The following FAM117B variants were observed in gnomAD, a reference collection of about 807,000 sequenced individuals.
FAM117B encodes family with sequence similarity 117 member B.
FAM117B carries 22 observed loss-of-function variants against 52.8 expected under a neutral mutation model. The ratio of observed to expected loss-of-function variants is 0.42; its 90% confidence interval spans 0.30 to 0.59. The LOEUF (loss-of-function observed/expected upper bound fraction) is 0.59. FAM117B is among the 20% of genes least tolerant of loss of function. The probability of loss-of-function intolerance (pLI) is 0.22; values close to 1 mark genes in which losing one functional copy is unlikely to be tolerated. For synonymous variants in FAM117B, 309 were observed against 324.1 expected, an observed-to-expected ratio of 0.95 and a Z score of 0.50; for missense variants, 678 against 802.6, an observed-to-expected ratio of 0.84 and a Z score of 1.88.
chr2:202,678,057 A>AT (rs1321605054), intron 1 of FAM117B, among the ~76,000 whole-genome samples: 1 of 152,194 alleles, frequency 6.6e-6, no homozygotes, highest in Non-Finnish European at 1.5e-5. Context: ...AAAGTGTGAT[A>AT]TATTAATATG....
rs569056223 is a variant in FAM117B, at chr2:202,701,796, A to G, written c.753+5764A>G. On this transcript the variant is annotated intron_variant, in intron 2 of 7. Coordinates refer to ENST00000392238, the MANE Select transcript of FAM117B (RefSeq NM_173511.4). ...GTGATTGAATTGCTGCAATCTCATG[A>G]TAAAACTTAAGCATGACAAATTGCT... 3.9e-5 allele frequency among the ~76,000 whole-genome samples: 6 copies of G among 152,362 alleles called. No individual in the cohort carries two copies. In the South Asian group the frequency reaches 1.2e-3, roughly 32 times the overall value.
intron 4 of FAM117B, among the ~76,000 whole-genome samples, chr2:202,753,081 A>G (rs1288606829): frequency 1.3e-5 from 2 of 152,212 alleles, no homozygotes; most frequent in East Asian, 1.9e-4. Flanking sequence ...AGCAAAAAGT[A>G]CAAAGCTGGA....
At chr2:202,729,830 A>G (rs1236730898) in intron 4 of FAM117B, among the ~76,000 whole-genome samples, 1 of 152,218 alleles carries the variant, frequency 6.6e-6, no homozygotes, top group African/African-American at 2.4e-5. Context: ...GAAAGTCTCC[A>G]TGTTCACTTA....
chr2:202,691,830 T>C (rs1222962078), intron 1 of FAM117B, among the ~76,000 whole-genome samples: 1 of 152,208 alleles, frequency 6.6e-6, no homozygotes, highest in Non-Finnish European at 1.5e-5. Flanking sequence ...CAGTTAATAA[T>C]GTGGGTACAT....
At chr2:202,740,159 C>G (rs569849240) in intron 4 of FAM117B, among the ~76,000 whole-genome samples, 1 of 102,676 alleles carries the variant, frequency 9.7e-6, no homozygotes, top group Admixed American at 1.5e-4. Context: ...GAGGACAGAG[C>G]GAGACTTCAT....
chr2:202,723,868 C>T (rs1420375064), intron 2 of FAM117B, among the ~76,000 whole-genome samples: 6 of 152,118 alleles, frequency 3.9e-5, no homozygotes, highest in African/African-American at 1.4e-4. Flanking sequence ...AGGCTGTATG[C>T]TCCCACTAAC....
At chr2:202,678,655 C>G (rs1006501758) in intron 1 of FAM117B, among the ~76,000 whole-genome samples, 1 of 152,194 alleles carries the variant, frequency 6.6e-6, no homozygotes, top group African/African-American at 2.4e-5. Flanking sequence ...TGCCTCTCGG[C>G]TTCAAACAAT....
chr2:202,636,218 A>G (rs1187283493), intron 1 of FAM117B, among the ~76,000 whole-genome samples: 4 of 152,248 alleles, frequency 2.6e-5, no homozygotes, highest in Non-Finnish European at 1.5e-5. Context: ...TGCTGCTGCT[A>G]AGTATTTCTG....
intron 4 of FAM117B, among the ~76,000 whole-genome samples, chr2:202,752,994 C>T (rs930797559): frequency 2.0e-5 from 3 of 152,150 alleles, no homozygotes; most frequent in Non-Finnish European, 4.4e-5. Flanking sequence ...CATTGACATT[C>T]TTTACAGAAT....
At chr2:202,709,856 A>AGG (rs1325504054) in intron 2 of FAM117B, among the ~76,000 whole-genome samples, 2 of 152,126 alleles carry the variant, frequency 1.3e-5, no homozygotes, top group African/African-American at 2.4e-5. Flanking sequence ...CTTTTGCATG[A>AGG]GGATATTCAG....
intron 4 of FAM117B, among the ~76,000 whole-genome samples, chr2:202,746,601 G>T (rs1691637403): frequency 6.6e-6 from 1 of 151,932 alleles, no homozygotes; most frequent in South Asian, 2.1e-4. Context: ...GATTATTAAA[G>T]ATAAGCGTGA....
chr2:202,739,075 G>A (rs1400783074), intron 4 of FAM117B, among the ~76,000 whole-genome samples: 1 of 152,182 alleles, frequency 6.6e-6, no homozygotes, highest in Non-Finnish European at 1.5e-5. Flanking sequence ...TGTAATCCCA[G>A]CTACTCAGGA....
At chr2:202,640,370 C>CCCTT (rs1350732506) in intron 1 of FAM117B, among the ~76,000 whole-genome samples, 1 of 129,818 alleles carries the variant, frequency 7.7e-6, no homozygotes, top group Non-Finnish European at 1.6e-5. Context: ...GCTAGTTTCC[C>CCCTT]CCTTCCTTTG....
intron 2 of FAM117B, among the ~76,000 whole-genome samples, chr2:202,718,382 C>A (rs1691090635): frequency 6.6e-6 from 1 of 152,142 alleles, no homozygotes; most frequent in African/African-American, 2.4e-5. Flanking sequence ...TGTTGAGATA[C>A]TTTCTGTTAT....
At chr2:202,659,099 G>A (rs578006255) in intron 1 of FAM117B, among the ~76,000 whole-genome samples, 248 of 151,616 alleles carry the variant, frequency 1.6e-3, no homozygotes, top group African/African-American at 5.8e-3. Context: ...TCTGCCTCCC[G>A]GGTTCAAGCG....
chr2:202,667,642 C>A (rs1690226047), intron 1 of FAM117B, among the ~76,000 whole-genome samples: 1 of 152,058 alleles, frequency 6.6e-6, no homozygotes, highest in Non-Finnish European at 1.5e-5. Context: ...TTAGACCAAT[C>A]TCAAGATAAA....
chr2:202,746,321 CTG>C (rs1691631833), intron 4 of FAM117B, among the ~76,000 whole-genome samples: 1 of 151,980 alleles, frequency 6.6e-6, no homozygotes. Context: ...AATTTGGAAA[CTG>C]TGCAGATACA....
At chr2:202,661,388 A>G (rs1006810926) in intron 1 of FAM117B, among the ~76,000 whole-genome samples, 2 of 152,240 alleles carry the variant, frequency 1.3e-5, no homozygotes, top group African/African-American at 2.4e-5. Flanking sequence ...CAATTATAGT[A>G]AAACTGTTAA....
chr2:202,732,181 G>C (rs562685286), intron 4 of FAM117B, among the ~76,000 whole-genome samples: 1 of 151,796 alleles, frequency 6.6e-6, no homozygotes, highest in South Asian at 2.1e-4. Context: ...GTGAGCCACC[G>C]CGCCTGGCTG....
Sources: allele counts gnomAD v4.1 joint callset (sites outside exome capture counted in the v4.1 genomes callset), GRCh38; gene constraint gnomAD v4.1.1; transcripts MANE v1.5; gene names NCBI Gene and HGNC (gene_info 2026-07-23, HGNC 2026-07-21).